Variants in VMP1 observed in about 807,000 individuals in gnomAD.
VMP1 encodes the protein vacuole membrane protein 1, also known as ectopic P-granules autophagy protein 3 homolog.
Under a neutral mutation model 56.0 loss-of-function variants are expected in VMP1, and 11 were observed. That is an observed-to-expected ratio of 0.20 (90% CI 0.12 to 0.32). The LOEUF (loss-of-function observed/expected upper bound fraction) is 0.32, where lower values mean the gene tolerates loss of function less well. Among genes scored for constraint, VMP1 ranks in the 10% least tolerant of loss-of-function variants. The pLI, the probability that VMP1 is intolerant of heterozygous loss-of-function variation, is 1.00. For missense variants in VMP1, 296 were observed against 490.3 expected (o/e 0.60, Z 3.74); for synonymous variants, 149 against 165.0 (o/e 0.90, Z 0.74).
At chr17:59,731,362 G>A (rs2034816860) in intron 1 of VMP1, 59 bp from the exon 2 acceptor site, 1 of 1,021,108 alleles carries the variant, frequency 9.8e-7, no homozygotes, top group African/African-American at 1.7e-5. Context: ...GTTTTATTCA[G>A]TCACAGCTAC....
chr17:59,840,067 T>C lies in VMP1; in HGVS notation c.*156T>C. On this transcript the variant is annotated 3_prime_UTR_variant, in exon 12 of 12. Coordinates refer to ENST00000262291, the MANE Select transcript of VMP1 (RefSeq NM_030938.5). Reference sequence around the variant, plus strand: ...GTTTAGTCCATACTTTGCACTGACATACTTTTTCCTTCTGTGCTAAGGTAA... The same window carrying C: ...GTTTAGTCCATACTTTGCACTGACACACTTTTTCCTTCTGTGCTAAGGTAA... 2 of 891,518 alleles carry C rather than the reference T, an allele frequency of 2.2e-6. No homozygotes were observed. Among genetic ancestry groups the C allele is most frequent in the South Asian group, 1.8e-5 (1 of 56,096 alleles). 55.2% of individuals were successfully genotyped at this position (891,518 alleles called of 1,614,324 possible).
At chr17:59,714,969 G>A (rs775973703) in intron 1 of VMP1, among the ~76,000 whole-genome samples, 10 of 152,120 alleles carry the variant, frequency 6.6e-5, no homozygotes, top group Non-Finnish European at 1.3e-4. Flanking sequence ...AGCATGAACC[G>A]CTGTGCCTGG....
chr17:59,778,497 C>T (rs1240460575), intron 7 of VMP1, among the ~76,000 whole-genome samples: 2 of 150,306 alleles, frequency 1.3e-5, no homozygotes, highest in Non-Finnish European at 1.5e-5. Context: ...GAGCCGAGAT[C>T]GCACCACTGC....
chr17:59,717,120 C>T (rs2034188991), intron 1 of VMP1, among the ~76,000 whole-genome samples: 1 of 152,116 alleles, frequency 6.6e-6, no homozygotes, highest in African/African-American at 2.4e-5. Context: ...GCTGGGACTA[C>T]TGGCGCCCAC....
At chr17:59,724,074 T>A (rs1445788872) in intron 1 of VMP1, among the ~76,000 whole-genome samples, 1 of 151,696 alleles carries the variant, frequency 6.6e-6, no homozygotes, top group Non-Finnish European at 1.5e-5. Flanking sequence ...TAGCTGGACA[T>A]GTTAGCATGT....
Position 59,841,289 on chromosome 17 carries a change from T to C in VMP1, c.*1378T>C, listed in dbSNP as rs2039149516. On this transcript the variant is annotated 3_prime_UTR_variant, in exon 12 of 12. Transcript: ENST00000262291. ...CTTGTCGGGTAGCTTATCAGACTGATGTTGACTGTTGAATCTCATGGCAAC... is the reference window on the plus strand; with the variant it reads ...CTTGTCGGGTAGCTTATCAGACTGACGTTGACTGTTGAATCTCATGGCAAC... 1.9e-6 allele frequency: 1 copy of C among 513,968 alleles called. No individual in the cohort carries two copies. Among genetic ancestry groups the C allele is most frequent in the Non-Finnish European group, 4.1e-6 (1 of 243,914 alleles). The allele number at this position is 513,968 out of a possible 1,614,324, so 31.8% of individuals were successfully genotyped here. A position where few individuals can be genotyped will look rare whatever the true frequency, so the allele number is the denominator to read the frequency against.
Position 59,813,893 on chromosome 17 carries a change from A to G in VMP1, c.912+2107A>G, listed in dbSNP as rs183213524. ...AGTACCCTATCTGTAGTGGTAAGATATGCAACTTATCAGACCTTTCATTTC... is the reference window on the plus strand; with the variant it reads ...AGTACCCTATCTGTAGTGGTAAGATGTGCAACTTATCAGACCTTTCATTTC... On this transcript the variant is annotated intron_variant, in intron 9 of 11. Transcript: ENST00000262291. 2.0e-5 allele frequency among the ~76,000 whole-genome samples: 3 copies of G among 152,328 alleles called. 1 individual carries two copies. The highest frequency in any genetic ancestry group is 2.0e-4 in the Admixed American group (3 of 15,300).
rs531674181 is a variant in VMP1 at position 59,739,131 on chromosome 17, A to G, written c.414+184A>G. Among the ~76,000 whole-genome samples the G allele has an allele frequency of 2.7e-3, 404 of 152,288 alleles. No homozygotes were observed. Among genetic ancestry groups the G allele is most frequent in the Admixed American group, 4.9e-3 (75 of 15,292 alleles). On this transcript the variant is annotated intron_variant, in intron 5 of 11. Coordinates refer to ENST00000262291, the MANE Select transcript of VMP1 (RefSeq NM_030938.5). ...TCTGTTTTGTTTTTCCTTTAGGGTT[A>G]GTATTTAAAAAGCAAAGAGAAAACC...
At chr17:59,733,036 G>A (rs1313626147) in intron 2 of VMP1, among the ~76,000 whole-genome samples, 8 of 152,176 alleles carry the variant, frequency 5.3e-5, no homozygotes, top group Non-Finnish European at 1.2e-4. Flanking sequence ...GGATGTGATC[G>A]TATGCGCCTG....
chr17:59,822,926 G>C (rs1026525834), intron 10 of VMP1, among the ~76,000 whole-genome samples: 1 of 151,906 alleles, frequency 6.6e-6, no homozygotes, highest in African/African-American at 2.4e-5. Flanking sequence ...ACAAAAAAAC[G>C]CACTAACAAA....
At chr17:59,784,004 C>T (rs1009225752) in intron 7 of VMP1, among the ~76,000 whole-genome samples, 3 of 151,966 alleles carry the variant, frequency 2.0e-5, no homozygotes, top group African/African-American at 4.8e-5. Flanking sequence ...CCCCAACCTA[C>T]GACTACTTCT....
At chr17:59,731,628 T>G (rs1016953581) in intron 2 of VMP1, 106 bp downstream of exon 2, 4 of 782,058 alleles carry the variant, frequency 5.1e-6, no homozygotes, top group Non-Finnish European at 7.2e-6. Context: ...AATCTTATAT[T>G]ATCTTCTTAG....
At chr17:59,745,803 A>AGCCC (rs2035403021) in intron 5 of VMP1, among the ~76,000 whole-genome samples, 1 of 152,222 alleles carries the variant, frequency 6.6e-6, no homozygotes, top group South Asian at 2.1e-4. Flanking sequence ...TAGTCTGGTG[A>AGCCC]AAAATATGGG....
intron 1 of VMP1, among the ~76,000 whole-genome samples, chr17:59,709,225 T>C (rs1399984507): frequency 6.6e-6 from 1 of 152,260 alleles, no homozygotes; most frequent in Admixed American, 6.5e-5. Context: ...TCGGTAAATT[T>C]GCTTCTTGAT....
At chr17:59,721,682 C>T (rs1363477861) in intron 1 of VMP1, among the ~76,000 whole-genome samples, 1 of 152,014 alleles carries the variant, frequency 6.6e-6, no homozygotes, top group African/African-American at 2.4e-5. Context: ...CCCAGAAGAT[C>T]ACTCTGGGTA....
intron 6 of VMP1, among the ~76,000 whole-genome samples, chr17:59,765,872 G>A (rs1480300872): frequency 6.6e-6 from 1 of 151,404 alleles, no homozygotes; most frequent in African/African-American, 2.4e-5. Flanking sequence ...ATTTGTTCTA[G>A]TATTTCTATA....
intron 7 of VMP1, among the ~76,000 whole-genome samples, chr17:59,782,508 C>T (rs1478283506): frequency 6.6e-6 from 1 of 152,082 alleles, no homozygotes; most frequent in Non-Finnish European, 1.5e-5. Flanking sequence ...TCTTTCTAGT[C>T]ACATCTTATT....
intron 6 of VMP1, among the ~76,000 whole-genome samples, chr17:59,767,480 A>T (rs1224895905): frequency 1.3e-5 from 2 of 152,240 alleles, no homozygotes; most frequent in Non-Finnish European, 2.9e-5. Flanking sequence ...TTTGATGAAA[A>T]AAATGTTAGA....
rs1598265881 is a variant in VMP1, at chr17:59,707,706, G to C, written c.-69G>C. 6.6e-6 allele frequency: 1 copy of C among 152,340 alleles called. No individual in the cohort carries two copies. The highest frequency in any genetic ancestry group is 6.5e-5 in the Admixed American group (1 of 15,284). The allele number at this position is 152,340 out of a possible 1,614,324, so 9.4% of individuals were successfully genotyped here. A position where few individuals can be genotyped will look rare whatever the true frequency, so the allele number is the denominator to read the frequency against. On this transcript the variant is annotated 5_prime_UTR_variant, in exon 1 of 12. Coordinates refer to ENST00000262291, the MANE Select transcript of VMP1 (RefSeq NM_030938.5). ...CGGGTGTGAGAGTCCGTAAGGAGCA[G>C]CTTCCAGGATCCTGAGATCCGGAGC...
Sources: gnomAD v4.1 joint callset for allele counts (sites outside exome capture counted in the v4.1 genomes callset) on GRCh38, gnomAD v4.1.1 for gene constraint, MANE v1.5 for transcripts, NCBI Gene and HGNC (gene_info 2026-07-23, HGNC 2026-07-21) for gene names.